ZYG11A: variants seen among roughly 807,000 people sequenced by gnomAD.
ZYG11A encodes the protein protein zyg-11 homolog A.
A neutral mutation model predicts 77.2 loss-of-function variants in ZYG11A; 62 were observed. That is an observed-to-expected ratio of 0.80 (90% CI 0.65 to 0.99). ZYG11A has a LOEUF of 0.99. Ranked by LOEUF, ZYG11A falls within the 50% of genes least tolerant of loss-of-function variation. The pLI, the probability that ZYG11A is intolerant of heterozygous loss-of-function variation, is 0.00. For missense variants in ZYG11A, 828 were observed against 896.8 expected (o/e 0.92, Z 0.98); for synonymous variants, 315 against 324.6 (o/e 0.97, Z 0.32).
chr1:52,863,786 C>T (rs1002425670), intron 4 of ZYG11A, among the ~76,000 whole-genome samples, 195 bp from the exon 5 acceptor site: 11 of 152,194 alleles, frequency 7.2e-5, no homozygotes, highest in African/African-American at 1.4e-4. Flanking sequence ...GCCAAAGTCA[C>T]ACAGATAGTT....
chr1:52,863,864 A>G (rs1645973021), intron 4 of ZYG11A, 117 bp from the exon 5 acceptor site: 1 of 899,116 alleles, frequency 1.1e-6, no homozygotes, highest in Non-Finnish European at 1.6e-6. Flanking sequence ...AATGCTTAGG[A>G]TAGGGAAAAT....
intron 11 of ZYG11A, among the ~76,000 whole-genome samples, 173 bp from the exon 12 acceptor site, chr1:52,885,657 GTTC>G (rs1646437141): frequency 6.9e-6 from 1 of 144,828 alleles, no homozygotes; most frequent in African/African-American, 2.5e-5. Context: ...GATGCCCCTT[GTTC>G]TTGTAATTTT....
chr1:52,880,914 C>T (rs1282224080), intron 10 of ZYG11A, among the ~76,000 whole-genome samples: 2 of 152,216 alleles, frequency 1.3e-5, no homozygotes, highest in Non-Finnish European at 2.9e-5. Flanking sequence ...GCTGAGACTC[C>T]TGCCCCACAG....
intron 1 of ZYG11A, among the ~76,000 whole-genome samples, chr1:52,846,950 C>T (rs2149983384): frequency 6.6e-6 from 1 of 151,454 alleles, no homozygotes; most frequent in Admixed American, 6.6e-5. Flanking sequence ...CGGGTTCACG[C>T]CATTCTCCTG....
chr1:52,851,408 T>C (rs1291104630), intron 1 of ZYG11A, among the ~76,000 whole-genome samples: 2 of 152,048 alleles, frequency 1.3e-5, no homozygotes, highest in African/African-American at 4.8e-5. Flanking sequence ...ATTCTTCTTA[T>C]TATTTTTGAG....
chr1:52,850,836 T>C (rs1390461294), intron 1 of ZYG11A, among the ~76,000 whole-genome samples: 4 of 152,190 alleles, frequency 2.6e-5, no homozygotes, highest in Non-Finnish European at 5.9e-5. Flanking sequence ...ATTTGTTCTT[T>C]TATTGTGTTC....
intron 5 of ZYG11A, among the ~76,000 whole-genome samples, chr1:52,865,386 G>A (rs1420740634): frequency 1.3e-5 from 2 of 152,134 alleles, no homozygotes; most frequent in South Asian, 2.1e-4. Context: ...TTATAAAAAT[G>A]ATCAAAAGAT....
intron 8 of ZYG11A, among the ~76,000 whole-genome samples, chr1:52,872,408 T>A (rs914623699): frequency 1.3e-5 from 2 of 152,016 alleles, no homozygotes; most frequent in Middle Eastern, 3.2e-3. Flanking sequence ...CAGGCAAGAT[T>A]TCTTTCAAAA....
At chr1:52,889,562 C>T (rs963550204) in intron 13 of ZYG11A, among the ~76,000 whole-genome samples, 16 of 152,072 alleles carry the variant, frequency 1.1e-4, no homozygotes, top group African/African-American at 3.9e-4. Flanking sequence ...GGATTACAGG[C>T]ATGAGCCACC....
chr1:52,851,826 C>T (rs563892182), intron 1 of ZYG11A, among the ~76,000 whole-genome samples: 2 of 151,514 alleles, frequency 1.3e-5, no homozygotes, highest in South Asian at 4.2e-4. Context: ...CAGCTCACTG[C>T]AACCTCCACC....
At chr1:52,867,413 G>C in intron 6 of ZYG11A, 126 bp from the exon 7 acceptor site, 1 of 669,754 alleles carries the variant, frequency 1.5e-6, no homozygotes, top group South Asian at 1.9e-5. Flanking sequence ...GGTTTTCATA[G>C]CTGAGGATTT....
At chr1:52,883,385 A>G (rs930733468) in intron 11 of ZYG11A, among the ~76,000 whole-genome samples, 4 of 151,700 alleles carry the variant, frequency 2.6e-5, no homozygotes, top group African/African-American at 9.7e-5. Context: ...TGGCCTCCTG[A>G]AGTGCTAGGA....
chr1:52,876,276 C>T (rs1170768002), intron 8 of ZYG11A, among the ~76,000 whole-genome samples: 1 of 152,102 alleles, frequency 6.6e-6, no homozygotes, highest in Non-Finnish European at 1.5e-5. Context: ...TCTTCTTCAA[C>T]ATTAATATGT....
At chr1:52,891,570 T>G (rs931011936) in intron 13 of ZYG11A, among the ~76,000 whole-genome samples, 3 of 151,902 alleles carry the variant, frequency 2.0e-5, no homozygotes, top group Non-Finnish European at 2.9e-5. Flanking sequence ...TATTACCCAC[T>G]TGGGATTGTG....
intron 1 of ZYG11A, among the ~76,000 whole-genome samples, chr1:52,844,155 C>A (rs1041101962): frequency 6.6e-6 from 1 of 152,152 alleles, no homozygotes; most frequent in Non-Finnish European, 1.5e-5. Context: ...TGGAAAAAAC[C>A]CGCCAAGGGC....
chr1:52,869,558 G>A (rs1266591609), intron 8 of ZYG11A, among the ~76,000 whole-genome samples: 3 of 151,710 alleles, frequency 2.0e-5, no homozygotes, highest in African/African-American at 7.3e-5. Context: ...CACAGGGTTG[G>A]GGGTAAGGTC....
In ZYG11A at chr1:52,880,115, A is replaced by C. The variant is rs998261502; in HGVS notation, c.1750-1356A>C. The stretch of plus-strand genomic sequence containing the variant: ...GAGATCCAGAATGTGAGGATTTACA[A>C]GAAAAATCTTGGGACTCACCTGTGG... On this transcript the variant is annotated intron_variant, in intron 10 of 13. Coordinates refer to ENST00000371528, the MANE Select transcript of ZYG11A (RefSeq NM_001004339.3). Among the ~76,000 whole-genome samples, 4 of 143,426 alleles carry C rather than the reference A, an allele frequency of 2.8e-5. No homozygotes were observed. In the East Asian group the frequency reaches 7.9e-4, roughly 28 times the overall value. 94.1% of individuals were successfully genotyped at this position (143,426 alleles called of 152,430 possible).
intron 10 of ZYG11A, among the ~76,000 whole-genome samples, chr1:52,878,814 C>T (rs1233706408): frequency 2.6e-5 from 4 of 151,964 alleles, no homozygotes; most frequent in Non-Finnish European, 5.9e-5. Context: ...TAGCACATGC[C>T]TGTAATCCCA....
chr1:52,845,805 G>T (rs1000429153), intron 1 of ZYG11A, among the ~76,000 whole-genome samples: 2 of 151,668 alleles, frequency 1.3e-5, no homozygotes, highest in Non-Finnish European at 2.9e-5. Flanking sequence ...AGCCTCCCTA[G>T]TAGCTAGACT....
Sources: allele counts gnomAD v4.1 joint callset (sites outside exome capture counted in the v4.1 genomes callset), GRCh38; gene constraint gnomAD v4.1.1; transcripts MANE v1.5; gene names NCBI Gene and HGNC (gene_info 2026-07-23, HGNC 2026-07-21).